Variants in DGKG observed in about 807,000 individuals in gnomAD.
DGKG encodes the protein DAG kinase gamma.
DGKG carries 78 observed loss-of-function variants against 105.3 expected under a neutral mutation model. The ratio of observed to expected loss-of-function variants is 0.74; its 90% CI spans 0.62 to 0.89. The LOEUF is 0.89. Among genes scored for constraint, DGKG ranks in the 40% least tolerant of loss-of-function variants. DGKG has a pLI of 0.00. For missense variants in DGKG, 958 were observed against 1,020.1 expected (o/e 0.94, Z 0.83); for synonymous variants, 346 against 367.1 (o/e 0.94, Z 0.66).
rs1330376869 is a variant in DGKG, at chr3:186,306,971, G to C, written c.74C>G (p.Ser25Cys). 6.2e-7 allele frequency: 1 copy of C among 1,610,864 alleles called. No homozygotes were observed. The highest frequency in any genetic ancestry group is 8.5e-7 in the Non-Finnish European group (1 of 1,177,154). The change falls in exon 3 of 25, where the codon TCC becomes TGC. Residue 25 changes from serine to cysteine, a missense_variant. By Grantham distance (112) the Ser-to-Cys change is moderately radical. This residue lies in a region of DGKG where 643 missense variants were observed against 619.5 expected (regional missense o/e 1.04). Transcript: ENST00000265022. Reference sequence around the variant, plus strand: ...AGTCAAGGCATCTTTTATCTTCTTGGAGGAATCTGAAGAGACACAATTCAC... The same window carrying C: ...AGTCAAGGCATCTTTTATCTTCTTGCAGGAATCTGAAGAGACACAATTCAC... ...DQLQKYSEYS[S>C]KKIKDALTEF... is the part of the protein sequence containing the mutation.
At chr3:186,201,894 C>A (rs1426081889) in intron 21 of DGKG, among the ~76,000 whole-genome samples, 22 of 152,198 alleles carry the variant, frequency 1.4e-4, no homozygotes, top group Admixed American at 1.4e-3. Context: ...GATAGATATG[C>A]CAAGTCCTGA....
chr3:186,322,413 T>C (rs1271214736), intron 1 of DGKG, among the ~76,000 whole-genome samples: 1 of 152,118 alleles, frequency 6.6e-6, no homozygotes, highest in East Asian at 1.9e-4. Flanking sequence ...CAATAGGTAC[T>C]GGGGCCTACT....
intron 14 of DGKG, among the ~76,000 whole-genome samples, chr3:186,264,184 C>T (rs1172517041): frequency 6.6e-6 from 1 of 152,228 alleles, no homozygotes; most frequent in Non-Finnish European, 1.5e-5. Context: ...GTGTTTCCCA[C>T]CTTTCTGCCC....
chr3:186,187,866 A>G (rs747873155), intron 22 of DGKG, among the ~76,000 whole-genome samples: 43 of 152,178 alleles, frequency 2.8e-4, no homozygotes, highest in Admixed American at 5.2e-4. Flanking sequence ...GCTGGGTCAC[A>G]TGCCACTGAC....
intron 20 of DGKG, among the ~76,000 whole-genome samples, chr3:186,227,430 G>A (rs1358746393): frequency 6.6e-6 from 1 of 152,166 alleles, no homozygotes; most frequent in Non-Finnish European, 1.5e-5. Context: ...GGCAGAGTAA[G>A]GGCTGAAACT....
intron 21 of DGKG, among the ~76,000 whole-genome samples, chr3:186,197,171 T>C (rs984191631): frequency 2.0e-5 from 3 of 151,892 alleles, no homozygotes; most frequent in Admixed American, 2.0e-4. Context: ...CTTTTGAAGA[T>C]GGAAGTAGTA....
intron 21 of DGKG, chr3:186,207,646 G>A (rs1292725153): frequency 9.1e-6 from 2 of 219,764 alleles, no homozygotes; most frequent in Non-Finnish European, 1.5e-5. Flanking sequence ...CAGATATACA[G>A]TTCAATAAGT....
chr3:186,305,443 G>A (rs987175427), intron 3 of DGKG, among the ~76,000 whole-genome samples: 1 of 152,166 alleles, frequency 6.6e-6, no homozygotes, highest in Non-Finnish European at 1.5e-5. Flanking sequence ...ATGAAGATGG[G>A]GAGAGTAGCA....
chr3:186,242,863 A>G (rs138600195), intron 19 of DGKG, among the ~76,000 whole-genome samples: 104 of 152,306 alleles, frequency 6.8e-4, no homozygotes, highest in Non-Finnish European at 9.0e-4. Flanking sequence ...GGGTGAGTGA[A>G]GGGGAAAGCC....
In DGKG at chr3:186,347,197, C is replaced by G. The variant is rs530170840; in HGVS notation, c.-249+14749G>C. Among the ~76,000 whole-genome samples, 511 of 152,184 alleles carry G rather than the reference C, an allele frequency of 3.4e-3. 2 individuals carry two copies. Among genetic ancestry groups the G allele is most frequent in the Middle Eastern group, 0.014 (4 of 294 alleles). On this transcript the variant is annotated intron_variant, in intron 1 of 24. Coordinates refer to ENST00000265022, the MANE Select transcript of DGKG (RefSeq NM_001346.3). ...GGCGGGGCGGCTCACCCCCGTAATC[C>G]TAGCACTTTGGGAGGCCGAGGCGGG...
chr3:186,273,367 C>CCTTTTTTTTTTTTTTTTTTT (rs1553811123), intron 10 of DGKG, among the ~76,000 whole-genome samples: 3 of 85,598 alleles, frequency 3.5e-5, no homozygotes, highest in Non-Finnish European at 2.3e-5. Flanking sequence ...TGTTGTACCC[C>CCTTTTTTTTTTTTTTTTTTT]TTTTTTTTTT....
At chr3:186,161,696 G>A in intron 23 of DGKG, 33 bp from the exon 24 acceptor site, 2 of 1,613,976 alleles carry the variant, frequency 1.2e-6, no homozygotes, top group Non-Finnish European at 1.7e-6. Context: ...AACACAGTGA[G>A]CTTTTTCAAG....
At chr3:186,307,307 G>A (rs1166775808) in intron 2 of DGKG, among the ~76,000 whole-genome samples, 1 of 152,124 alleles carries the variant, frequency 6.6e-6, no homozygotes, top group African/African-American at 2.4e-5. Context: ...CCAGCCCTTG[G>A]TGATTTTATT....
intron 24 of DGKG, among the ~76,000 whole-genome samples, chr3:186,155,675 A>G (rs188277453): frequency 1.3e-5 from 2 of 152,358 alleles, no homozygotes; most frequent in East Asian, 1.9e-4. Context: ...GTGAAAGTAA[A>G]TGAACTAGAT....
In DGKG at chr3:186,210,747, A is replaced by T; in HGVS notation, c.1917+1048T>A. The stretch of plus-strand genomic sequence containing the variant: ...GACTGCAGTGCGGGCTTAGAGGCCA[A>T]GCTGGTGGGCCAAGAGGAGCCCACC... On this transcript the variant is annotated intron_variant, in intron 21 of 24. Transcript: ENST00000265022. The surrounding 1 kb of genome is among the most constrained non-coding windows in gnomAD (Gnocchi z 5.2). 2.8e-6 allele frequency: 1 copy of T among 355,474 alleles called. No individual in the cohort carries two copies. The highest frequency in any genetic ancestry group is 5.5e-6 in the Non-Finnish European group (1 of 182,092). 22.0% of individuals were successfully genotyped at this position (355,474 alleles called of 1,614,324 possible).
At chr3:186,256,530 C>T (rs543617100) in intron 17 of DGKG, among the ~76,000 whole-genome samples, 1 of 152,244 alleles carries the variant, frequency 6.6e-6, no homozygotes. Flanking sequence ...GAACTGATCT[C>T]CCCGCTTCTG....
chr3:186,323,369 A>G (rs1725173589), intron 1 of DGKG, among the ~76,000 whole-genome samples: 2 of 152,186 alleles, frequency 1.3e-5, no homozygotes, highest in South Asian at 4.1e-4. Flanking sequence ...TATATACATT[A>G]TCTAATTTAG....
chr3:186,305,439 A>G (rs558164535), intron 3 of DGKG, among the ~76,000 whole-genome samples: 2 of 152,276 alleles, frequency 1.3e-5, no homozygotes, highest in African/African-American at 4.8e-5. Context: ...AGGAATGAAG[A>G]TGGGGAGAGT....
At chr3:186,207,237 C>T (rs1382756863) in intron 21 of DGKG, among the ~76,000 whole-genome samples, 5 of 152,118 alleles carry the variant, frequency 3.3e-5, no homozygotes, top group Non-Finnish European at 5.9e-5. Flanking sequence ...TTGACGTTAT[C>T]TGAAATGTCA....
Sources: gnomAD v4.1 joint callset for allele counts (sites outside exome capture counted in the v4.1 genomes callset) on GRCh38, gnomAD v4.1.1 for gene constraint, gnomAD v4.1.1 regional missense constraint, Gnocchi (gnomAD v3.1) non-coding constraint, MANE v1.5 for transcripts, NCBI Gene and HGNC (gene_info 2026-07-23, HGNC 2026-07-21) for gene names.